The following SGCD variants were observed in gnomAD, a reference collection of about 807,000 sequenced individuals.
SGCD encodes the protein delta-sarcoglycan.
Under a neutral mutation model 36.6 loss-of-function variants are expected in SGCD, and 18 were observed. That is an observed-to-expected ratio of 0.49 (90% CI 0.34 to 0.73). The LOEUF (loss-of-function observed/expected upper bound fraction) is 0.73. SGCD is among the 30% of genes least tolerant of loss of function. The probability of loss-of-function intolerance (pLI) is 0.01; values close to 1 mark genes in which losing one functional copy is unlikely to be tolerated. For missense variants in SGCD, 387 were observed against 346.7 expected, an observed-to-expected ratio of 1.12 and a Z score of -0.92; for synonymous variants, 133 against 130.6, an observed-to-expected ratio of 1.02 and a Z score of -0.12.
chr5:156,542,824 G>A (rs1052762115), intron 4 of SGCD, among the ~76,000 whole-genome samples: 1 of 152,142 alleles, frequency 6.6e-6, no homozygotes, highest in Admixed American at 6.5e-5. Context: ...CGCTGGCTCA[G>A]AATAAAGAAT....
At chr5:156,043,774 A>G (rs1055719362) in intron 1 of SGCD, among the ~76,000 whole-genome samples, 1 of 152,196 alleles carries the variant, frequency 6.6e-6, no homozygotes, top group Non-Finnish European at 1.5e-5. Context: ...ACTCTTTAAA[A>G]AAGGAATTAT....
intron 3 of SGCD, among the ~76,000 whole-genome samples, chr5:156,162,741 C>T (rs1763113106): frequency 1.3e-5 from 2 of 151,714 alleles, no homozygotes; most frequent in East Asian, 1.9e-4. Flanking sequence ...TCCTCTAGAT[C>T]TGCAGAAAGC....
intron 3 of SGCD, among the ~76,000 whole-genome samples, chr5:156,377,170 AAGCTAATT>A (rs1770717735): frequency 6.6e-6 from 1 of 152,210 alleles, no homozygotes; most frequent in South Asian, 2.1e-4. Flanking sequence ...ATTAAACTTT[AAGCTAATT>A]AGTCTAATTA....
intron 6 of SGCD, among the ~76,000 whole-genome samples, chr5:156,618,433 C>T (rs1465258795): frequency 6.6e-6 from 1 of 151,950 alleles, no homozygotes; most frequent in Non-Finnish European, 1.5e-5. Flanking sequence ...ATAAATAATG[C>T]AGCAAGAAAG....
At chr5:156,556,188 C>A (rs1169503971) in intron 4 of SGCD, among the ~76,000 whole-genome samples, 3 of 151,008 alleles carry the variant, frequency 2.0e-5, no homozygotes, top group African/African-American at 7.3e-5. Flanking sequence ...CATTTTCCTT[C>A]CTCCAAATAA....
chr5:156,463,484 A>T (rs1291189378), intron 3 of SGCD, among the ~76,000 whole-genome samples: 1 of 151,970 alleles, frequency 6.6e-6, no homozygotes, highest in Non-Finnish European at 1.5e-5. Context: ...ATTTTTTTTT[A>T]CCTGAACTAT....
the SGCD span, among the ~76,000 whole-genome samples, chr5:155,769,496 G>C: frequency 6.6e-6 from 1 of 151,916 alleles, no homozygotes; most frequent in Non-Finnish European, 1.5e-5. Context: ...CATGCCAGAG[G>C]ATACAAGTTC....
At chr5:156,742,871 AACTC>A (rs1756756904) in intron 7 of SGCD, among the ~76,000 whole-genome samples, 1 of 152,172 alleles carries the variant, frequency 6.6e-6, no homozygotes, top group Non-Finnish European at 1.5e-5. Flanking sequence ...GATTAGATGA[AACTC>A]ACTCGCATTA....
chr5:156,545,770 C>T (rs11748068), intron 4 of SGCD, among the ~76,000 whole-genome samples: 34,008 of 152,022 alleles, frequency 0.22, 4,568 homozygotes, highest in Non-Finnish European at 0.31. Context: ...ATGGGAACCA[C>T]GGGTGCCCAG....
intron 3 of SGCD, among the ~76,000 whole-genome samples, chr5:156,277,276 T>A (rs1328230017): frequency 6.6e-6 from 1 of 152,190 alleles, no homozygotes; most frequent in Non-Finnish European, 1.5e-5. Context: ...CCCCTGCCTC[T>A]TCCTTTCCCT....
At position 156,647,479 on chromosome 5, in the gene SGCD, T is replaced by A. The variant is rs1446901572; in HGVS notation, c.518T>A (p.Val173Glu). 5 of 1,585,626 alleles carry A rather than the reference T, an allele frequency of 3.2e-6. No homozygotes were observed. The highest frequency in any genetic ancestry group is 4.3e-6 in the Non-Finnish European group (5 of 1,163,938). ...TTGTTTACAGGAGCGGAGGGCACAG[T>A]GTTCCCTAAATCTATAGAAACACCT... ...RLRVLGAEGTVFPKSIETPNV... is the reference protein window; with the variant it reads ...RLRVLGAEGTEFPKSIETPNV... The change falls in exon 7 of 9, where the codon GTG becomes GAG. Residue 173 changes from valine to glutamate, a missense_variant. Physicochemically the swap from Val to Glu is moderately radical, Grantham distance 121 (BLOSUM62 -2). Transcript: ENST00000337851.
chr5:156,280,390 T>C (rs1766422999), intron 3 of SGCD, among the ~76,000 whole-genome samples: 1 of 152,180 alleles, frequency 6.6e-6, no homozygotes, highest in Non-Finnish European at 1.5e-5. Flanking sequence ...TTTAAAACAT[T>C]CACCTACAGG....
intron 3 of SGCD, among the ~76,000 whole-genome samples, chr5:156,503,838 G>A (rs572333952): frequency 1.8e-3 from 276 of 152,192 alleles, no homozygotes; most frequent in African/African-American, 6.1e-3. Context: ...AATCACCAAG[G>A]AAAACTTTAT....
At chr5:156,035,426 C>T (rs193112785) in intron 1 of SGCD, among the ~76,000 whole-genome samples, 5 of 152,028 alleles carry the variant, frequency 3.3e-5, no homozygotes, top group African/African-American at 1.2e-4. Context: ...GGCAACGTAG[C>T]GAAACCCTGT....
At chr5:156,266,981 AT>A (rs1365952409) in intron 3 of SGCD, among the ~76,000 whole-genome samples, 1 of 152,188 alleles carries the variant, frequency 6.6e-6, no homozygotes. Context: ...AAGATATCAG[AT>A]TTAGTATAAA....
chr5:156,153,178 T>C (rs1478121301), intron 3 of SGCD, among the ~76,000 whole-genome samples: 2 of 151,562 alleles, frequency 1.3e-5, no homozygotes, highest in Non-Finnish European at 2.9e-5. Flanking sequence ...GAACTGAATG[T>C]TGCAAACCTG....
intron 3 of SGCD, among the ~76,000 whole-genome samples, chr5:156,412,317 C>T (rs992267104): frequency 6.6e-6 from 1 of 152,138 alleles, no homozygotes; most frequent in Admixed American, 6.5e-5. Flanking sequence ...AAAATTAGAC[C>T]AGGTATATAA....
At chr5:156,139,648 A>G (rs1561535976) in intron 3 of SGCD, among the ~76,000 whole-genome samples, 1 of 152,186 alleles carries the variant, frequency 6.6e-6, no homozygotes, top group Non-Finnish European at 1.5e-5. Context: ...TTTGGGCAGG[A>G]GCACATTCTA....
intron 4 of SGCD, among the ~76,000 whole-genome samples, chr5:156,548,254 G>T (rs7717533): frequency 0.5 from 75,398 of 151,920 alleles, 19,374 homozygotes; most frequent in African/African-American, 0.6. Flanking sequence ...CTCAGCTTTG[G>T]AGGATAGAAG....
Sources: allele counts gnomAD v4.1 joint callset (sites outside exome capture counted in the v4.1 genomes callset), GRCh38; gene constraint gnomAD v4.1.1; transcripts MANE v1.5; gene names NCBI Gene and HGNC (gene_info 2026-07-23, HGNC 2026-07-21).